SDC2: variants seen among roughly 807,000 people sequenced by gnomAD.
SDC2 encodes syndecan 2, also known as syndecan-2.
Under a neutral mutation model 22.2 loss-of-function variants are expected in SDC2, and 13 were observed. The observed-to-expected ratio is 0.59, with a 90% CI of 0.38 to 0.93. The LOEUF is 0.93. Among genes scored for constraint, SDC2 ranks in the 40% least tolerant of loss-of-function variants. SDC2 has a pLI of 0.00. For synonymous variants in SDC2, 94 were observed against 92.8 expected (o/e 1.01, Z -0.07); for missense variants, 235 against 246.8 (o/e 0.95, Z 0.32).
intron 1 of SDC2, among the ~76,000 whole-genome samples, chr8:96,540,643 C>T (rs1356798287): frequency 6.6e-6 from 1 of 152,158 alleles, no homozygotes; most frequent in Non-Finnish European, 1.5e-5. Flanking sequence ...TCCCCCAACA[C>T]TCCTTTTTCA....
intron 1 of SDC2, among the ~76,000 whole-genome samples, chr8:96,515,523 A>G (rs1054863950): frequency 6.6e-6 from 1 of 152,152 alleles, no homozygotes; most frequent in Non-Finnish European, 1.5e-5. Context: ...GTAAAGTTCC[A>G]CTGTAGAGGG....
At chr8:96,599,192 C>T (rs533016616) in intron 2 of SDC2, among the ~76,000 whole-genome samples, 3 of 152,198 alleles carry the variant, frequency 2.0e-5, no homozygotes, top group Non-Finnish European at 4.4e-5. Flanking sequence ...CCACCGGCCT[C>T]GGCCTCCCAA....
At chr8:96,568,021 G>A (rs1814329801) in intron 1 of SDC2, among the ~76,000 whole-genome samples, 1 of 152,218 alleles carries the variant, frequency 6.6e-6, no homozygotes, top group Admixed American at 6.5e-5. Flanking sequence ...TTGTATAGAG[G>A]CATAATTACT....
At chr8:96,558,326 G>A (rs1331003143) in intron 1 of SDC2, among the ~76,000 whole-genome samples, 2 of 152,118 alleles carry the variant, frequency 1.3e-5, no homozygotes, top group Non-Finnish European at 2.9e-5. Context: ...AAGCAGAGGA[G>A]TTGGCTTATG....
intron 1 of SDC2, among the ~76,000 whole-genome samples, chr8:96,525,518 T>A (rs1380909631): frequency 6.6e-6 from 1 of 152,184 alleles, no homozygotes; most frequent in Admixed American, 6.5e-5. Context: ...AGAAGGTTCT[T>A]GCCCTTGCTG....
Position 96,593,515 on chromosome 8 carries a change from T to G in SDC2, c.96T>G (p.Leu32=). Residue 32 remains leucine, a synonymous_variant, in exon 2 of 5, where the codon CTT becomes CTG. Coordinates refer to ENST00000302190, the MANE Select transcript of SDC2 (RefSeq NM_002998.4). Reference sequence around the variant, plus strand: ...TGACATCTGATAAAGACATGTACCTTGACAACAGCTCCATTGAAGAAGCTT... The same window carrying G: ...TGACATCTGATAAAGACATGTACCTGGACAACAGCTCCATTGAAGAAGCTT... The part of the protein sequence containing the change: ...AELTSDKDMY[L]DNSSIEEASG... The G allele has an allele frequency of 6.2e-7, 1 of 1,614,014 alleles. No homozygotes were observed. Among genetic ancestry groups the G allele is most frequent in the Non-Finnish European group, 8.5e-7 (1 of 1,179,852 alleles).
chr8:96,549,160 G>A (rs867165517), intron 1 of SDC2, among the ~76,000 whole-genome samples: 4 of 152,250 alleles, frequency 2.6e-5, no homozygotes, highest in Middle Eastern at 6.8e-3. Context: ...ACTAAAATGA[G>A]ACACCAGTTT....
At chr8:96,532,078 G>A (rs1813670973) in intron 1 of SDC2, among the ~76,000 whole-genome samples, 1 of 152,184 alleles carries the variant, frequency 6.6e-6, no homozygotes, top group African/African-American at 2.4e-5. Context: ...CATCTGTGAA[G>A]TGAAGGACAG....
rs148590352 is a variant in SDC2 at position 96,609,781 on chromosome 8, G to A, written c.*233G>A. On this transcript the variant is annotated 3_prime_UTR_variant, in exon 5 of 5. Transcript: ENST00000302190. Reference sequence around the variant, plus strand: ...TAGCAGTGGCAAAATATTATGTTATGAAAACCCTCGATGTTCATGGAATTG... The same window carrying A: ...TAGCAGTGGCAAAATATTATGTTATAAAAACCCTCGATGTTCATGGAATTG... The A allele has an allele frequency of 1.4e-5, 5 of 345,922 alleles. No homozygotes were observed. The Admixed American group carries it at 2.4e-4, about 16-fold the overall frequency. The allele number at this position is 345,922 out of a possible 1,614,324, so 21.4% of individuals were successfully genotyped here.
chr8:96,550,737 T>C (rs1308332710), intron 1 of SDC2, among the ~76,000 whole-genome samples: 2 of 152,180 alleles, frequency 1.3e-5, no homozygotes, highest in African/African-American at 2.4e-5. Flanking sequence ...TAAAGTATAT[T>C]ACAGTGATTC....
intron 1 of SDC2, among the ~76,000 whole-genome samples, chr8:96,540,303 G>A (rs989232884): frequency 2.6e-4 from 37 of 144,886 alleles, no homozygotes; most frequent in African/African-American, 9.3e-4. Flanking sequence ...ACCAGCTTGG[G>A]CAACATAGCA....
intron 1 of SDC2, among the ~76,000 whole-genome samples, chr8:96,575,133 G>A (rs1206677072): frequency 6.6e-6 from 1 of 152,166 alleles, no homozygotes; most frequent in Non-Finnish European, 1.5e-5. Context: ...GTATTGGTCT[G>A]TGGCCTGGGG....
chr8:96,543,426 G>A (rs374540418), intron 1 of SDC2, among the ~76,000 whole-genome samples: 3 of 152,308 alleles, frequency 2.0e-5, no homozygotes, highest in African/African-American at 7.2e-5. Flanking sequence ...GGTAATGAAG[G>A]AAATTAGGTA....
At chr8:96,602,190 A>G (rs538313129) in intron 2 of SDC2, among the ~76,000 whole-genome samples, 1 of 152,320 alleles carries the variant, frequency 6.6e-6, no homozygotes, top group East Asian at 1.9e-4. Flanking sequence ...ATTAAGGAAA[A>G]ACTTGCTAGA....
At chr8:96,538,950 G>A (rs1813802880) in intron 1 of SDC2, 1 of 152,250 alleles carries the variant, frequency 6.6e-6, no homozygotes, top group South Asian at 2.1e-4. Context: ...AGGAAAGGCA[G>A]TAACAGGTTG....
At chr8:96,530,672 T>G (rs1813646954) in intron 1 of SDC2, among the ~76,000 whole-genome samples, 1 of 152,162 alleles carries the variant, frequency 6.6e-6, no homozygotes, top group South Asian at 2.1e-4. Context: ...TGCTAAAATA[T>G]AAGTTACTTT....
rs1813012938 is a variant in SDC2, at chr8:96,494,325, G to A, written c.54G>A (p.Ala18=). 1 of 1,542,936 alleles carries A rather than the reference G, an allele frequency of 6.5e-7. No homozygotes were observed. Among genetic ancestry groups the A allele is most frequent in the Non-Finnish European group, 8.7e-7 (1 of 1,148,576 alleles). ...LTLGLVACVS[A]ESRAELTSDK... ...TGGGCTTGGTGGCCTGCGTGTCGGC[G>A]GAGTCGGTGAGTGGGCCAGGCGGAG... Residue 18 remains alanine, a synonymous_variant, in exon 1 of 5, where the codon GCG becomes GCA. Coordinates refer to ENST00000302190, the MANE Select transcript of SDC2 (RefSeq NM_002998.4).
At chr8:96,519,024 C>T (rs967860324) in intron 1 of SDC2, among the ~76,000 whole-genome samples, 4 of 152,134 alleles carry the variant, frequency 2.6e-5, no homozygotes, top group Admixed American at 6.5e-5. Flanking sequence ...ATCCAGCCTA[C>T]GCTCAACAAA....
chr8:96,544,198 C>T (rs982998501), intron 1 of SDC2, among the ~76,000 whole-genome samples: 1 of 152,134 alleles, frequency 6.6e-6, no homozygotes, highest in Non-Finnish European at 1.5e-5. Context: ...AAAATAACCT[C>T]GGTGCCTTTG....
Sources: gnomAD v4.1 joint callset for allele counts (sites outside exome capture counted in the v4.1 genomes callset) on GRCh38, gnomAD v4.1.1 for gene constraint, MANE v1.5 for transcripts, NCBI Gene and HGNC (gene_info 2026-07-23, HGNC 2026-07-21) for gene names.